RIMBP2: variants seen among roughly 807,000 people sequenced by gnomAD.
RIMBP2 encodes the protein RIMS-binding protein 2.
A neutral mutation model predicts 118.6 loss-of-function variants in RIMBP2; 48 were observed. That is an observed-to-expected ratio of 0.40 (90% confidence interval 0.32 to 0.51). The LOEUF is 0.51. Ranked by LOEUF, RIMBP2 falls within the 20% of genes least tolerant of loss-of-function variation. RIMBP2 has a pLI of 0.41. For missense variants in RIMBP2, 1,551 were observed against 1,768.3 expected (o/e 0.88, Z 2.20); for synonymous variants, 762 against 742.9 (o/e 1.03, Z -0.42).
chr12:130,604,235 T>C (rs1054477026), intron 2 of RIMBP2, among the ~76,000 whole-genome samples: 1 of 150,816 alleles, frequency 6.6e-6, no homozygotes, highest in Non-Finnish European at 1.5e-5. Flanking sequence ...AGCTGTGCAA[T>C]GTCTTTGTGT....
In RIMBP2 at chr12:130,422,576, A is replaced by G; in HGVS notation, c.3130-15T>C. 6.4e-7 allele frequency: 1 copy of G among 1,568,288 alleles called. No individual in the cohort carries two copies. Among genetic ancestry groups the G allele is most frequent in the Non-Finnish European group, 8.7e-7 (1 of 1,147,222 alleles). ...TTCCCTAAAATCTAAAGACAAAACAACAACAAAGTCGTAAGTCTCGCCAGC... is the reference window on the plus strand; with the variant it reads ...TTCCCTAAAATCTAAAGACAAAACAGCAACAAAGTCGTAAGTCTCGCCAGC... On this transcript the variant is annotated splice_polypyrimidine_tract_variant and intron_variant, in intron 16 of 22. Coordinates refer to ENST00000690449, the MANE Select transcript of RIMBP2 (RefSeq NM_001393629.1). This position sits in a 1 kb window ranked among gnomAD's most constrained non-coding sequence, Gnocchi z 5.2.
At chr12:130,546,664 T>A (rs1399313972) in intron 2 of RIMBP2, among the ~76,000 whole-genome samples, 1 of 152,160 alleles carries the variant, frequency 6.6e-6, no homozygotes, top group East Asian at 1.9e-4. Flanking sequence ...AGAGACAACC[T>A]TCTTTTCATG....
At chr12:130,480,310 G>A (rs2081865714) in intron 4 of RIMBP2, among the ~76,000 whole-genome samples, 1 of 152,032 alleles carries the variant, frequency 6.6e-6, no homozygotes, top group Non-Finnish European at 1.5e-5. Context: ...TCAAAAATGG[G>A]AAGAGTTGGC....
At chr12:130,647,160 C>G (rs945808003) in intron 1 of RIMBP2, among the ~76,000 whole-genome samples, 2 of 152,172 alleles carry the variant, frequency 1.3e-5, no homozygotes, top group Non-Finnish European at 2.9e-5. Context: ...TAATAGTATT[C>G]AAGACCAGCT....
intron 6 of RIMBP2, among the ~76,000 whole-genome samples, chr12:130,464,407 T>G (rs926753345): frequency 6.6e-6 from 1 of 152,116 alleles, no homozygotes; most frequent in African/African-American, 2.4e-5. Flanking sequence ...CTACGTGATT[T>G]CATTGATCAC....
At chr12:130,709,076 G>A (rs1290797314) in intron 1 of RIMBP2, among the ~76,000 whole-genome samples, 3 of 152,278 alleles carry the variant, frequency 2.0e-5, no homozygotes, top group Admixed American at 1.3e-4. Flanking sequence ...CCAGCAACGT[G>A]CCGGCAACAG....
intron 10 of RIMBP2, 37 bp downstream of exon 10, chr12:130,445,123 C>T: frequency 1.4e-6 from 2 of 1,436,166 alleles, no homozygotes; most frequent in Admixed American, 2.0e-5. Context: ...TGGACTGGCC[C>T]AGCCTACGTC....
Position 130,422,816 on chromosome 12 carries a change from TTGCTGC to T in RIMBP2, c.3130-261_3130-256del, listed in dbSNP as rs2076503654. On this transcript the variant is annotated intron_variant, in intron 16 of 22. Coordinates refer to ENST00000690449, the MANE Select transcript of RIMBP2 (RefSeq NM_001393629.1). This position sits in a 1 kb window ranked among gnomAD's most constrained non-coding sequence, Gnocchi z 5.2. Reference sequence around the variant, plus strand: ...TTCCTTGTGGGGGGGTCTCTTTTGGTTGCTGCTGCTGGTGCTGAAGACAAATGTTTT... The same window carrying T: ...TTCCTTGTGGGGGGGTCTCTTTTGGTTGCTGGTGCTGAAGACAAATGTTTT... Among the ~76,000 whole-genome samples the T allele has an allele frequency of 6.6e-6, 1 of 152,136 alleles. No homozygotes were observed. Among genetic ancestry groups the T allele is most frequent in the Admixed American group, 6.5e-5 (1 of 15,270 alleles).
chr12:130,488,394 T>C (rs892296610), intron 4 of RIMBP2, among the ~76,000 whole-genome samples: 3 of 151,002 alleles, frequency 2.0e-5, no homozygotes, highest in African/African-American at 4.9e-5. Context: ...GTTAGGTGGA[T>C]GGTAGGGGAA....
chr12:130,622,932 C>T lies in RIMBP2; in HGVS notation c.-217+5390G>A, dbSNP rs964114734. Among the ~76,000 whole-genome samples, 11 of 152,180 alleles carry T rather than the reference C, an allele frequency of 7.2e-5. No homozygotes were observed. The highest frequency in any genetic ancestry group is 2.7e-4 in the African/African-American group (11 of 41,442). ...GCCTACTAAGCCCTGCAGGTAGGAA[C>T]AAGAAGACTCATCTAACAGAGAAAA... On this transcript the variant is annotated intron_variant, in intron 2 of 22. Coordinates refer to ENST00000690449, the MANE Select transcript of RIMBP2 (RefSeq NM_001393629.1). This position sits in a 1 kb window ranked among gnomAD's most constrained non-coding sequence, Gnocchi z 8.5.
chr12:130,549,914 C>G (rs2055570901), intron 2 of RIMBP2, among the ~76,000 whole-genome samples: 1 of 152,120 alleles, frequency 6.6e-6, no homozygotes, highest in Non-Finnish European at 1.5e-5. Flanking sequence ...CTGCTCTTAG[C>G]TCTTTGAGGA....
intron 1 of RIMBP2, among the ~76,000 whole-genome samples, chr12:130,666,207 G>T (rs2063908258): frequency 6.6e-6 from 1 of 152,094 alleles, no homozygotes; most frequent in Non-Finnish European, 1.5e-5. Context: ...GAACACAGAA[G>T]CACACCTGGG....
intron 2 of RIMBP2, among the ~76,000 whole-genome samples, chr12:130,590,357 C>T (rs1485373332): frequency 6.6e-6 from 1 of 152,132 alleles, no homozygotes; most frequent in Admixed American, 6.6e-5. Context: ...AGATAGACTC[C>T]CCAGGGCCAC....
rs561487753 is a variant in RIMBP2 at position 130,714,760 on chromosome 12, G to A, written c.-352+1462C>T. Among the ~76,000 whole-genome samples the A allele has an allele frequency of 5.3e-5, 8 of 152,288 alleles. No homozygotes were observed. In the South Asian group the frequency reaches 1.2e-3, roughly 24 times the overall value. Reference sequence around the variant, plus strand: ...CACACCGTGCCCCCAGGGAACCTCCGGAGCCGGTCAGACCCTGCCCATCCC... The same window carrying A: ...CACACCGTGCCCCCAGGGAACCTCCAGAGCCGGTCAGACCCTGCCCATCCC... On this transcript the variant is annotated intron_variant, in intron 1 of 22. Transcript: ENST00000690449.
chr12:130,619,807 C>T (rs1001808849), intron 2 of RIMBP2, among the ~76,000 whole-genome samples: 6 of 152,138 alleles, frequency 3.9e-5, no homozygotes, highest in Admixed American at 1.3e-4. Context: ...TATCTATCAG[C>T]GGCAAATGCT....
rs2075317562 is a variant in RIMBP2, at chr12:130,407,830, CTG to C, written c.3590-3_3590-2del. On this transcript the variant is annotated splice_acceptor_variant and splice_polypyrimidine_tract_variant and intron_variant, in intron 19 of 22. Coordinates refer to ENST00000690449, the MANE Select transcript of RIMBP2 (RefSeq NM_001393629.1). LOFTEE classifies it high-confidence loss of function. ...CGCCTGCCACTTCTCCTGCTTCTCT[CTG>C]TTCAGATCACAAGGGGGAAAGAAAT... is the stretch of plus-strand genomic sequence containing the variant. The C allele has an allele frequency of 6.2e-7, 1 of 1,612,902 alleles. No homozygotes were observed. The highest frequency in any genetic ancestry group is 1.3e-5 in the African/African-American group (1 of 75,018).
chr12:130,425,214 T>G (rs1593248816), intron 15 of RIMBP2: 1 of 192,600 alleles, frequency 5.2e-6, no homozygotes. Flanking sequence ...GTGGCCACGG[T>G]GCCAGGGGAG....
chr12:130,399,535 C>T, intron 22 of RIMBP2, 144 bp downstream of exon 22: 1 of 839,536 alleles, frequency 1.2e-6, no homozygotes, highest in Non-Finnish European at 1.8e-6. Context: ...GGTACAACTC[C>T]CATGGCTTCA....
At chr12:130,481,164 G>A (rs1053562880) in intron 4 of RIMBP2, among the ~76,000 whole-genome samples, 1 of 151,610 alleles carries the variant, frequency 6.6e-6, no homozygotes, top group Non-Finnish European at 1.5e-5. Flanking sequence ...GAGGGCGGGG[G>A]CACCCAGGCT....
Sources: allele counts gnomAD v4.1 joint callset (sites outside exome capture counted in the v4.1 genomes callset), GRCh38; gene constraint gnomAD v4.1.1; non-coding constraint Gnocchi (gnomAD v3.1); transcripts MANE v1.5; gene names NCBI Gene and HGNC (gene_info 2026-07-23, HGNC 2026-07-21).